The following CFAP221 variants were observed in gnomAD, a reference collection of about 807,000 sequenced individuals.
CFAP221 encodes cilia and flagella associated protein 221.
A neutral mutation model predicts 113.1 loss-of-function variants in CFAP221; 97 were observed. The ratio of observed to expected loss-of-function variants is 0.86; its 90% CI spans 0.73 to 1.02. CFAP221 has a LOEUF of 1.02. CFAP221 is among the 50% of genes least tolerant of loss of function. The pLI, the probability that CFAP221 is intolerant of heterozygous loss-of-function variation, is 0.00. For missense variants in CFAP221, 1,025 were observed against 1,013.4 expected, an observed-to-expected ratio of 1.01 and a Z score of -0.16; for synonymous variants, 331 against 354.4, an observed-to-expected ratio of 0.93 and a Z score of 0.74.
chr2:119,567,517 C>T (rs1681737414), intron 6 of CFAP221, among the ~76,000 whole-genome samples: 2 of 152,168 alleles, frequency 1.3e-5, no homozygotes, highest in African/African-American at 4.8e-5. Context: ...TATTCATCCA[C>T]CTACTGAATG....
At chr2:119,626,971 C>G (rs940556530) in intron 15 of CFAP221, among the ~76,000 whole-genome samples, 10 of 151,808 alleles carry the variant, frequency 6.6e-5, no homozygotes, top group African/African-American at 2.4e-4. Context: ...CTCTGATGCC[C>G]AGCTTGGCTG....
intron 14 of CFAP221, among the ~76,000 whole-genome samples, chr2:119,624,875 T>A (rs2104744420): frequency 6.6e-6 from 1 of 151,538 alleles, no homozygotes; most frequent in Admixed American, 6.6e-5. Context: ...TGTCAGAGGG[T>A]GGGTGACTAG....
At position 119,604,955 on chromosome 2, in the gene CFAP221, C is replaced by A; in HGVS notation, c.992C>A (p.Pro331Gln). 1 of 1,613,968 alleles carries A rather than the reference C, an allele frequency of 6.2e-7. No individual in the cohort carries two copies. The highest frequency in any genetic ancestry group is 8.5e-7 in the Non-Finnish European group (1 of 1,179,984). ...FAVATVLNQE[P>Q]GKLKIKELRE... ...GTGGCAACTGTTTTAAACCAAGAACCAGGAAAATTGAAGATTAAAGAATTA... is the reference window on the plus strand; with the variant it reads ...GTGGCAACTGTTTTAAACCAAGAACAAGGAAAATTGAAGATTAAAGAATTA... Residue 331 changes from proline (P) to glutamine (Q), a missense_variant, in exon 10 of 24, where the codon CCA becomes CAA. Transcript: ENST00000413369.
In CFAP221 at chr2:119,651,966, C is replaced by A; in HGVS notation, c.2319-8C>A. 6.2e-7 allele frequency: 1 copy of A among 1,604,536 alleles called. No individual in the cohort carries two copies. The highest frequency in any genetic ancestry group is 8.5e-7 in the Non-Finnish European group (1 of 1,173,532). Reference sequence around the variant, plus strand: ...GCAGTGCCCACTAAACATCTTATTACTTTGCAGTGAGCTCTGTGAGCAGAA... The same window carrying A: ...GCAGTGCCCACTAAACATCTTATTAATTTGCAGTGAGCTCTGTGAGCAGAA... On this transcript the variant is annotated splice_polypyrimidine_tract_variant and splice_region_variant and intron_variant, in intron 22 of 23. Coordinates refer to ENST00000413369, the MANE Select transcript of CFAP221 (RefSeq NM_001271049.2).
At chr2:119,648,516 A>G (rs1362592684) in intron 22 of CFAP221, 7 of 234,016 alleles carry the variant, frequency 3.0e-5, no homozygotes, top group African/African-American at 1.4e-4. Flanking sequence ...CCAGCCCTGC[A>G]TGACAAGAGC....
At chr2:119,629,822 G>C in intron 16 of CFAP221, 53 bp from the exon 17 acceptor site, 1 of 1,367,282 alleles carries the variant, frequency 7.3e-7, no homozygotes. Context: ...CAGAAGCATA[G>C]CCACTCTTGC....
At chr2:119,574,022 T>C (rs1030180876) in intron 6 of CFAP221, among the ~76,000 whole-genome samples, 1 of 152,208 alleles carries the variant, frequency 6.6e-6, no homozygotes, top group Non-Finnish European at 1.5e-5. Context: ...TCTCACAAAA[T>C]GTTAAATTCT....
At chr2:119,586,931 C>T in intron 6 of CFAP221, 188 bp from the exon 7 acceptor site, 1 of 446,518 alleles carries the variant, frequency 2.2e-6, no homozygotes, top group Non-Finnish European at 3.9e-6. Context: ...CACGGCACCA[C>T]CTCATAGGAT....
At chr2:119,656,087 A>G in intron 23 of CFAP221, 1 of 421,014 alleles carries the variant, frequency 2.4e-6, no homozygotes, top group Non-Finnish European at 4.4e-6. Flanking sequence ...GATGGGAATT[A>G]CACCATTCGC....
At chr2:119,654,175 C>G (rs1688294018) in intron 23 of CFAP221, among the ~76,000 whole-genome samples, 1 of 152,030 alleles carries the variant, frequency 6.6e-6, no homozygotes, top group Non-Finnish European at 1.5e-5. Context: ...CAACACTGCT[C>G]AGAAAACAGA....
rs190885880 is a variant in CFAP221 at position 119,580,013 on chromosome 2, C to T, written c.528-7106C>T. Among the ~76,000 whole-genome samples the T allele has an allele frequency of 3.3e-5, 5 of 152,268 alleles. No homozygotes were observed. In the East Asian group the frequency reaches 7.7e-4, roughly 24 times the overall value. Reference sequence around the variant, plus strand: ...TTTCAACACTTCACATCGCGCATTACCCAAGGCCTGCTTAGGTTCTGAGGG... The same window carrying T: ...TTTCAACACTTCACATCGCGCATTATCCAAGGCCTGCTTAGGTTCTGAGGG... On this transcript the variant is annotated intron_variant, in intron 6 of 23. Transcript: ENST00000413369.
intron 23 of CFAP221, among the ~76,000 whole-genome samples, chr2:119,654,869 G>A (rs1219989255): frequency 6.6e-6 from 1 of 152,126 alleles, no homozygotes; most frequent in Admixed American, 6.5e-5. Context: ...TCAGCAAGTT[G>A]ATATCCCACA....
intron 18 of CFAP221, 42 bp downstream of exon 18, chr2:119,630,719 C>T: frequency 6.2e-7 from 1 of 1,605,298 alleles, no homozygotes; most frequent in Non-Finnish European, 8.5e-7. Flanking sequence ...CATCTTTTCC[C>T]TCTTATCCTG....
chr2:119,569,143 T>C (rs1365189230), intron 6 of CFAP221, among the ~76,000 whole-genome samples: 3 of 152,090 alleles, frequency 2.0e-5, no homozygotes, highest in Admixed American at 2.0e-4. Flanking sequence ...TATTTATTTA[T>C]TTATTTTTGA....
intron 5 of CFAP221, 84 bp from the exon 6 acceptor site, chr2:119,561,930 A>G: frequency 2.3e-6 from 2 of 883,260 alleles, no homozygotes; most frequent in South Asian, 3.2e-5. Context: ...GATGGAAACA[A>G]GATAAGAAAT....
chr2:119,585,434 A>C (rs1035185919), intron 6 of CFAP221, among the ~76,000 whole-genome samples: 1 of 152,226 alleles, frequency 6.6e-6, no homozygotes, highest in Non-Finnish European at 1.5e-5. Context: ...AAACCTGACT[A>C]TCTTAAAGCA....
rs1465137874 is a variant in CFAP221, at chr2:119,626,988, T to TAGC, written c.1517-665_1517-664insAGC. Among the ~76,000 whole-genome samples the TAGC allele has an allele frequency of 1.8e-4, 28 of 151,524 alleles. 1 individual carries two copies. The highest frequency in any genetic ancestry group is 1.5e-5 in the Non-Finnish European group (1 of 67,942). Reference sequence around the variant, plus strand: ...CTGATGCCCAGCTTGGCTGGGACTGTTGGAGGCCCACTCTCGGTAGCTTCT... The same window carrying TAGC: ...CTGATGCCCAGCTTGGCTGGGACTGTAGCTGGAGGCCCACTCTCGGTAGCTTCT... On this transcript the variant is annotated intron_variant, in intron 15 of 23. Coordinates refer to ENST00000413369, the MANE Select transcript of CFAP221 (RefSeq NM_001271049.2).
intron 21 of CFAP221, among the ~76,000 whole-genome samples, chr2:119,646,647 T>C (rs1214566154): frequency 2.0e-5 from 3 of 152,142 alleles, no homozygotes; most frequent in African/African-American, 4.8e-5. Context: ...GACCAAACCA[T>C]ATCAGTATCT....
At chr2:119,643,176 A>G (rs1687600746) in intron 21 of CFAP221, among the ~76,000 whole-genome samples, 1 of 152,106 alleles carries the variant, frequency 6.6e-6, no homozygotes, top group Non-Finnish European at 1.5e-5. Context: ...TGATATTCCA[A>G]CTTTGCAGCC....
Sources: gnomAD v4.1 joint callset for allele counts (sites outside exome capture counted in the v4.1 genomes callset) on GRCh38, gnomAD v4.1.1 for gene constraint, MANE v1.5 for transcripts, NCBI Gene and HGNC (gene_info 2026-07-23, HGNC 2026-07-21) for gene names.